TPGS1: variants seen among roughly 807,000 people sequenced by gnomAD.
TPGS1 encodes the protein tubulin polyglutamylase complex subunit 1.
TPGS1 carries 18 observed loss-of-function variants against 11.9 expected under a neutral mutation model. The ratio of observed to expected loss-of-function variants is 1.51; its 90% CI spans 1.04 to 2.24. TPGS1 has a LOEUF of 2.24. Among genes scored for constraint, TPGS1 ranks in the 30% most tolerant of loss-of-function variants. TPGS1 has a pLI of 0.00. For synonymous variants in TPGS1, 247 were observed against 218.2 expected, an observed-to-expected ratio of 1.13 and a Z score of -1.16; for missense variants, 500 against 443.0, an observed-to-expected ratio of 1.13 and a Z score of -1.16.
intron 1 of TPGS1, among the ~76,000 whole-genome samples, chr19:514,835 G>A (rs1978905057): frequency 6.6e-6 from 1 of 152,230 alleles, no homozygotes; most frequent in Non-Finnish European, 1.5e-5. Flanking sequence ...AGGGGGTTAA[G>A]CAGCCCACCC....
intron 1 of TPGS1, among the ~76,000 whole-genome samples, chr19:518,662 G>C (rs1457897829): frequency 6.9e-6 from 1 of 144,622 alleles, no homozygotes; most frequent in Non-Finnish European, 1.5e-5. Context: ...GGATGCTGCG[G>C]GGAGGAGAGG....
intron 1 of TPGS1, among the ~76,000 whole-genome samples, chr19:515,284 C>T (rs904302058): frequency 2.0e-5 from 3 of 152,074 alleles, no homozygotes; most frequent in African/African-American, 4.8e-5. Context: ...ACCTGTAATC[C>T]CAGCAGTTTG....
At chr19:513,887 C>A (rs1978877381) in intron 1 of TPGS1, among the ~76,000 whole-genome samples, 1 of 148,662 alleles carries the variant, frequency 6.7e-6, no homozygotes, top group African/African-American at 2.5e-5. Flanking sequence ...GCACCCACTG[C>A]ACACAACCCC....
In TPGS1 at chr19:518,957, C is replaced by T; in HGVS notation, c.407C>T (p.Pro136Leu). 1.3e-6 allele frequency: 2 copies of T among 1,583,974 alleles called. No homozygotes were observed. The highest frequency in any genetic ancestry group is 1.7e-6 in the Non-Finnish European group (2 of 1,172,238). Reference protein sequence around the residue: ...CLSAGGRRKRPGLDGRTYSEL... With the variant: ...CLSAGGRRKRLGLDGRTYSEL... ...AGCGCCGGCGGGCGCAGGAAGAGGC[C>T]GGGGCTGGACGGGCGCACCTACAGC... The change falls in exon 2 of 2, where the codon CCG becomes CTG. Residue 136 changes from proline to leucine, a missense_variant. Pro to Leu is a moderately conservative substitution (Grantham distance 98). Coordinates refer to ENST00000359315, the MANE Select transcript of TPGS1 (RefSeq NM_033513.3).
intron 1 of TPGS1, among the ~76,000 whole-genome samples, chr19:514,676 G>T (rs1463521600): frequency 6.6e-6 from 1 of 152,264 alleles, no homozygotes; most frequent in Non-Finnish European, 1.5e-5. Flanking sequence ...GAAGGGAAAA[G>T]CGTAAGCCCT....
At position 519,580 on chromosome 19, in the gene TPGS1, A is replaced by G. The variant is rs1979088587; in HGVS notation, c.*157A>G. ...CCCAGGAAGCGGACGCCCGGTCCCC[A>G]CACAGCGCCGCGGCCGCCCCTCCAC... On this transcript the variant is annotated 3_prime_UTR_variant, in exon 2 of 2. Coordinates refer to ENST00000359315, the MANE Select transcript of TPGS1 (RefSeq NM_033513.3). The G allele has an allele frequency of 3.2e-6, 2 of 620,868 alleles. No individual in the cohort carries two copies. Among genetic ancestry groups the G allele is most frequent in the Non-Finnish European group, 4.4e-6 (2 of 451,032 alleles). The allele number at this position is 620,868 out of a possible 1,614,324, so 38.5% of individuals were successfully genotyped here.
In TPGS1 at chr19:518,922, C is replaced by G. The variant is rs1448898353; in HGVS notation, c.372C>G (p.Tyr124Ter). The change falls in exon 2 of 2, where the codon TAC becomes TAG. Residue 124 changes from tyrosine (Y) to a stop codon, truncating the protein, a stop_gained. Transcript: ENST00000359315. LOFTEE classifies it high-confidence loss of function. Reference sequence around the variant, plus strand: ...TCAACAACAACGTGAGCGTGGCCTACGAGTGCCTGAGCGCCGGCGGGCGCA... The same window carrying G: ...TCAACAACAACGTGAGCGTGGCCTAGGAGTGCCTGAGCGCCGGCGGGCGCA... ...AAFNNNVSVA[Y>*]ECLSAGGRRK... 6.4e-7 allele frequency: 1 copy of G among 1,574,260 alleles called. No homozygotes were observed. The highest frequency in any genetic ancestry group is 2.3e-5 in the East Asian group (1 of 43,674).
intron 1 of TPGS1, among the ~76,000 whole-genome samples, chr19:512,515 C>T (rs916332355): frequency 6.6e-6 from 1 of 152,196 alleles, no homozygotes; most frequent in Admixed American, 6.6e-5. Context: ...CAATCATGAC[C>T]ACAGAGAAGT....
At chr19:516,709 A>G (rs1372492898) in intron 1 of TPGS1, among the ~76,000 whole-genome samples, 1 of 152,174 alleles carries the variant, frequency 6.6e-6, no homozygotes, top group Non-Finnish European at 1.5e-5. Flanking sequence ...TGAGAAAAAC[A>G]TGTCTTACAA....
At position 519,144 on chromosome 19, in the gene TPGS1, C is replaced by A; in HGVS notation, c.594C>A (p.Ala198=). Residue 198 remains alanine, a synonymous_variant, in exon 2 of 2, where the codon GCC becomes GCA. Transcript: ENST00000359315. ...CFVLLEFVAR[A]GALFQLLEDS... is the part of the protein sequence containing the mutation. ...TGCTGCTGGAGTTCGTGGCGCGCGCCGGCGCGCTCTTCCAGCTGCTGGAGG... is the reference window on the plus strand; with the variant it reads ...TGCTGCTGGAGTTCGTGGCGCGCGCAGGCGCGCTCTTCCAGCTGCTGGAGG... 6.6e-7 allele frequency: 1 copy of A among 1,513,794 alleles called. No homozygotes were observed. Among genetic ancestry groups the A allele is most frequent in the African/African-American group, 1.4e-5 (1 of 69,600 alleles). 93.8% of individuals were successfully genotyped at this position (1,513,794 alleles called of 1,614,324 possible).
Position 507,615 on chromosome 19 carries a change from G to T in TPGS1, c.109G>T (p.Asp37Tyr). 1.4e-6 allele frequency: 2 copies of T among 1,397,638 alleles called. No homozygotes were observed. Among genetic ancestry groups the T allele is most frequent in the African/African-American group, 3.0e-5 (2 of 67,028 alleles). 86.6% of individuals were successfully genotyped at this position (1,397,638 alleles called of 1,614,324 possible). The change falls in exon 1 of 2, where the codon GAC becomes TAC. Residue 37 changes from aspartate (D) to tyrosine (Y), a missense_variant. Physicochemically the swap from Asp to Tyr is radical, Grantham distance 160. Coordinates refer to ENST00000359315, the MANE Select transcript of TPGS1 (RefSeq NM_033513.3). Reference protein sequence around the residue: ...RAAGAAESEEDFLRQVGVTEM... With the variant: ...RAAGAAESEEYFLRQVGVTEM... The stretch of plus-strand genomic sequence containing the variant: ...GGCGGGGGCGGCCGAGAGCGAGGAG[G>T]ACTTCCTGCGGCAGGTCGGCGTGAC...
intron 1 of TPGS1, among the ~76,000 whole-genome samples, chr19:512,775 G>T (rs1978838014): frequency 6.6e-6 from 1 of 152,236 alleles, no homozygotes; most frequent in African/African-American, 2.4e-5. Flanking sequence ...AGCCGGAACG[G>T]GACTGCAGAA....
intron 1 of TPGS1, among the ~76,000 whole-genome samples, chr19:518,170 G>C (rs1979022600): frequency 1.1e-5 from 1 of 94,924 alleles, no homozygotes; most frequent in East Asian, 3.4e-4. Flanking sequence ...CCCAGGCTGG[G>C]AGTGCTGGTG....
At chr19:511,879 T>C (rs914933852) in intron 1 of TPGS1, among the ~76,000 whole-genome samples, 1 of 132,810 alleles carries the variant, frequency 7.5e-6, no homozygotes, top group Non-Finnish European at 1.6e-5. Context: ...TGTTTTTTTG[T>C]TGTTTTTTTT....
chr19:508,301 G>C (rs1421991563), intron 1 of TPGS1: 1 of 154,076 alleles, frequency 6.5e-6, no homozygotes, highest in African/African-American at 2.4e-5. Flanking sequence ...CATCTTAGGG[G>C]ACAGGCTCCC....
intron 1 of TPGS1, among the ~76,000 whole-genome samples, chr19:515,655 T>C (rs1286461832): frequency 6.6e-6 from 1 of 151,240 alleles, no homozygotes; most frequent in Admixed American, 6.6e-5. Flanking sequence ...GGAGAATCGC[T>C]TGAACCCGGG....
intron 1 of TPGS1, among the ~76,000 whole-genome samples, chr19:512,524 G>C (rs952183670): frequency 6.6e-6 from 1 of 151,094 alleles, no homozygotes; most frequent in Admixed American, 6.6e-5. Context: ...CCACAGAGAA[G>C]TGGACTGAGA....
At chr19:508,564 GT>G (rs1978694764) in intron 1 of TPGS1, 1 of 139,414 alleles carries the variant, frequency 7.2e-6, no homozygotes, top group Admixed American at 6.9e-5. Context: ...GATGTCTTTT[GT>G]TGGGGGGGGG....
At chr19:517,713 T>G (rs866415711) in intron 1 of TPGS1, among the ~76,000 whole-genome samples, 15 of 3,026 alleles carry the variant, frequency 5.0e-3, no homozygotes, top group Admixed American at 0.014. Context: ...GGCTGGGGGG[T>G]GCTGGGAGGA....
Sources: allele counts gnomAD v4.1 joint callset (sites outside exome capture counted in the v4.1 genomes callset), GRCh38; gene constraint gnomAD v4.1.1; transcripts MANE v1.5; gene names NCBI Gene and HGNC (gene_info 2026-07-23, HGNC 2026-07-21).